Variants in AKAP6 observed in about 807,000 individuals in gnomAD.
The protein encoded by AKAP6 is A-kinase anchor protein 6.
AKAP6 carries 58 observed loss-of-function variants against 188.5 expected under a neutral mutation model. The ratio of observed to expected loss-of-function variants is 0.31; its 90% CI spans 0.25 to 0.38. The LOEUF (loss-of-function observed/expected upper bound fraction) is 0.38. Among genes scored for constraint, AKAP6 ranks in the 10% least tolerant of loss-of-function variants. The pLI, the probability that AKAP6 is intolerant of heterozygous loss-of-function variation, is 1.00. For missense variants in AKAP6, 2,710 were observed against 2,740.0 expected (o/e 0.99, Z 0.24); for synonymous variants, 989 against 998.6 (o/e 0.99, Z 0.18).
chr14:32,497,688 T>TTA (rs201179659), intron 2 of AKAP6, among the ~76,000 whole-genome samples: 26 of 151,452 alleles, frequency 1.7e-4, no homozygotes, highest in Middle Eastern at 3.4e-3. Context: ...CTTAGTGATT[T>TTA]TATATATATA....
intron 2 of AKAP6, among the ~76,000 whole-genome samples, chr14:32,518,511 G>A (rs901285382): frequency 1.3e-5 from 2 of 152,188 alleles, no homozygotes; most frequent in Non-Finnish European, 2.9e-5. Context: ...TGAACTGTTG[G>A]AGCTGAAAAC....
chr14:32,454,222 G>A (rs1458614503), intron 2 of AKAP6, among the ~76,000 whole-genome samples: 6 of 152,158 alleles, frequency 3.9e-5, no homozygotes, highest in Admixed American at 2.0e-4. Context: ...CTTTTCACTG[G>A]CATTTTAAAA....
At chr14:32,562,695 T>C (rs1884005699) in intron 4 of AKAP6, among the ~76,000 whole-genome samples, 1 of 152,056 alleles carries the variant, frequency 6.6e-6, no homozygotes, top group Non-Finnish European at 1.5e-5. Flanking sequence ...GAGGCGGAGT[T>C]TGCAGTGAGC....
At chr14:32,493,565 T>C (rs1427706165) in intron 2 of AKAP6, among the ~76,000 whole-genome samples, 1 of 152,142 alleles carries the variant, frequency 6.6e-6, no homozygotes, top group African/African-American at 2.4e-5. Context: ...TGTTCTTTCA[T>C]CAAATATTCA....
Position 32,530,105 on chromosome 14 carries a change from C to T in AKAP6, c.325-5449C>T, listed in dbSNP as rs190599976. Among the ~76,000 whole-genome samples the T allele has an allele frequency of 3.0e-4, 45 of 151,506 alleles. No individual in the cohort carries two copies. In the East Asian group the frequency reaches 7.3e-3, roughly 25 times the overall value. ...ACAGCGGTACGATCATGGCTCACTG[C>T]AGCCTACACCTCGTGGGCTGAAGGC... On this transcript the variant is annotated intron_variant, in intron 2 of 13. Coordinates refer to ENST00000280979, the MANE Select transcript of AKAP6 (RefSeq NM_004274.5).
chr14:32,813,865 A>G (rs1594974658), intron 12 of AKAP6, among the ~76,000 whole-genome samples: 1 of 147,828 alleles, frequency 6.8e-6, no homozygotes, highest in Non-Finnish European at 1.5e-5. Context: ...CAAATTCAAA[A>G]GTGATAGGAT....
chr14:32,768,785 G>A (rs770917190), intron 11 of AKAP6, among the ~76,000 whole-genome samples: 1 of 152,020 alleles, frequency 6.6e-6, no homozygotes, highest in Non-Finnish European at 1.5e-5. Flanking sequence ...ATCACCTATA[G>A]GGCTTGCTTG....
At chr14:32,661,946 A>G (rs966589369) in intron 7 of AKAP6, among the ~76,000 whole-genome samples, 1 of 152,092 alleles carries the variant, frequency 6.6e-6, no homozygotes, top group African/African-American at 2.4e-5. Flanking sequence ...CAAAGTATCA[A>G]TATCCTATTA....
At chr14:32,809,122 T>C (rs1383379380) in intron 12 of AKAP6, among the ~76,000 whole-genome samples, 1 of 152,236 alleles carries the variant, frequency 6.6e-6, no homozygotes, top group African/African-American at 2.4e-5. Context: ...ACGTGGGCTT[T>C]GGAAATGAGG....
chr14:32,816,637 C>T (rs773844898), intron 12 of AKAP6, among the ~76,000 whole-genome samples: 49 of 152,116 alleles, frequency 3.2e-4, no homozygotes, highest in Non-Finnish European at 1.3e-4. Context: ...TGGCATTTCC[C>T]CTAGTTTAAA....
intron 1 of AKAP6, among the ~76,000 whole-genome samples, chr14:32,422,150 A>G (rs537436286): frequency 3.6e-4 from 55 of 152,312 alleles, no homozygotes; most frequent in African/African-American, 1.2e-3. Flanking sequence ...TCTTCTTAAC[A>G]TATGATTGTC....
At chr14:32,596,197 T>A (rs974210678) in intron 5 of AKAP6, among the ~76,000 whole-genome samples, 2 of 152,180 alleles carry the variant, frequency 1.3e-5, no homozygotes, top group Non-Finnish European at 2.9e-5. Context: ...CCACTTTTTC[T>A]TGTACCAGGA....
At chr14:32,331,459 C>T (rs1044081993) in intron 1 of AKAP6, among the ~76,000 whole-genome samples, 1 of 151,938 alleles carries the variant, frequency 6.6e-6, no homozygotes. Flanking sequence ...TGTAATTTTT[C>T]CCCCCGCAAA....
chr14:32,673,578 T>C (rs1277242797), intron 7 of AKAP6, among the ~76,000 whole-genome samples: 1 of 151,886 alleles, frequency 6.6e-6, no homozygotes, highest in Non-Finnish European at 1.5e-5. Context: ...CTACTAAAAA[T>C]ACAAAAATTA....
At chr14:32,773,920 TTGTC>T (rs2032976227) in intron 12 of AKAP6, 27 bp downstream of exon 12, 9 of 1,596,376 alleles carry the variant, frequency 5.6e-6, no homozygotes, top group Middle Eastern at 1.6e-4. Flanking sequence ...TTAAGCATAA[TTGTC>T]TGTCATTTTC....
chr14:32,601,862 T>G (rs1885939563), intron 7 of AKAP6, among the ~76,000 whole-genome samples: 1 of 152,188 alleles, frequency 6.6e-6, no homozygotes. Context: ...TTGAGACCCA[T>G]GCAGCCAGTG....
At chr14:32,601,647 A>G (rs1885931328) in intron 7 of AKAP6, among the ~76,000 whole-genome samples, 1 of 152,232 alleles carries the variant, frequency 6.6e-6, no homozygotes, top group African/African-American at 2.4e-5. Flanking sequence ...TTATTGTAAC[A>G]TGGGGGAAAC....
intron 2 of AKAP6, among the ~76,000 whole-genome samples, chr14:32,512,828 A>T (rs1263528102): frequency 2.0e-5 from 3 of 152,232 alleles, no homozygotes; most frequent in Admixed American, 6.5e-5. Context: ...TTTAGGCTCT[A>T]ATGCTCAGCA....
At chr14:32,442,910 G>A (rs892899797) in intron 2 of AKAP6, among the ~76,000 whole-genome samples, 36 of 152,224 alleles carry the variant, frequency 2.4e-4, no homozygotes, top group Admixed American at 2.6e-4. Context: ...GAGGGGAAAC[G>A]TAATAGAATT....
Sources: allele counts gnomAD v4.1 joint callset (sites outside exome capture counted in the v4.1 genomes callset), GRCh38; gene constraint gnomAD v4.1.1; transcripts MANE v1.5; gene names NCBI Gene and HGNC (gene_info 2026-07-23, HGNC 2026-07-21).